PAK3: variants seen among roughly 807,000 people sequenced by gnomAD.
PAK3 encodes serine/threonine-protein kinase PAK 3.
In PAK3, 4 loss-of-function variants were observed where a neutral mutation model predicts 41.0. The ratio of observed to expected loss-of-function variants is 0.10; its 90% confidence interval spans 0.05 to 0.22. The LOEUF (loss-of-function observed/expected upper bound fraction) is 0.22, where lower values mean the gene tolerates loss of function less well. PAK3 is among the 10% of genes least tolerant of loss of function. PAK3 has a pLI of 1.00. For synonymous variants in PAK3, 146 were observed against 139.6 expected, an observed-to-expected ratio of 1.05 and a Z score of -0.32; for missense variants, 205 against 409.9, an observed-to-expected ratio of 0.50 and a Z score of 4.32.
intron 1 of PAK3, among the ~76,000 whole-genome samples, chrX:111,063,027 T>G (rs1335088838): frequency 8.9e-6 from 1 of 111,734 alleles, no homozygotes; most frequent in Non-Finnish European, 1.9e-5. Flanking sequence ...TACCCTAGCC[T>G]GGAATAACCA....
intron 1 of PAK3, among the ~76,000 whole-genome samples, chrX:110,977,179 T>A (rs779805476): frequency 4.8e-4 from 53 of 110,259 alleles, no homozygotes; most frequent in Non-Finnish European, 9.5e-4. Flanking sequence ...CGATGTTAGG[T>A]TTAGCTTTTG....
intron 1 of PAK3, among the ~76,000 whole-genome samples, chrX:111,002,647 C>T (rs960043119): frequency 6.3e-5 from 7 of 111,289 alleles, no homozygotes; most frequent in African/African-American, 2.3e-4. Flanking sequence ...CTAGAACTAC[C>T]CAGAATAGCC....
intron 1 of PAK3, among the ~76,000 whole-genome samples, chrX:110,967,231 G>A (rs1303584090): frequency 2.7e-5 from 3 of 113,068 alleles, no homozygotes; most frequent in Non-Finnish European, 5.6e-5. Flanking sequence ...GGGCCAAGGG[G>A]ACAAAAGCAA....
chrX:111,087,423 C>CAA (rs11288618), intron 1 of PAK3, among the ~76,000 whole-genome samples: 49 of 94,582 alleles, frequency 5.2e-4, no homozygotes, highest in Middle Eastern at 0.01. Flanking sequence ...TGCATTATTA[C>CAA]AAAAAAAAAA....
chrX:110,948,061 T>G (rs1437762566), intron 1 of PAK3, among the ~76,000 whole-genome samples: 1 of 112,420 alleles, frequency 8.9e-6, no homozygotes, highest in Non-Finnish European at 1.9e-5. Flanking sequence ...TCTGTCTTTC[T>G]GCTGAATTAT....
chrX:111,195,512 A>G (rs1403004875), intron 14 of PAK3, among the ~76,000 whole-genome samples: 1 of 112,206 alleles, frequency 8.9e-6, no homozygotes, highest in East Asian at 2.8e-4. Flanking sequence ...TACCACAGCT[A>G]TAGAAGACCA....
chrX:110,988,151 T>C (rs2091580980), intron 1 of PAK3, among the ~76,000 whole-genome samples: 1 of 112,713 alleles, frequency 8.9e-6, no homozygotes, highest in South Asian at 3.7e-4. Context: ...TCCTGGGCCT[T>C]GCCCTAAAGA....
chrX:111,089,288 A>G (rs779569147), intron 1 of PAK3, among the ~76,000 whole-genome samples: 1 of 112,450 alleles, frequency 8.9e-6, no homozygotes, highest in Non-Finnish European at 1.9e-5. Flanking sequence ...AACTACTTCA[A>G]AATAAGAAAG....
intron 1 of PAK3, among the ~76,000 whole-genome samples, chrX:111,048,574 G>A (rs1406017655): frequency 9.0e-6 from 1 of 111,350 alleles, no homozygotes; most frequent in Non-Finnish European, 1.9e-5. Context: ...CCCCTTATAA[G>A]TAAATGGTAC....
intron 11 of PAK3, among the ~76,000 whole-genome samples, chrX:111,179,799 T>G (rs1391064964): frequency 1.8e-5 from 2 of 112,013 alleles, no homozygotes; most frequent in Non-Finnish European, 3.8e-5. Flanking sequence ...TCTGTATTTG[T>G]CTGTTAGTTT....
At chrX:110,971,581 C>T (rs998130980) in intron 1 of PAK3, among the ~76,000 whole-genome samples, 2 of 111,654 alleles carry the variant, frequency 1.8e-5, no homozygotes, top group African/African-American at 6.5e-5. Flanking sequence ...ATACAAGTCC[C>T]TTATCTCATA....
At chrX:111,206,925 A>G (rs1358127165) in intron 16 of PAK3, among the ~76,000 whole-genome samples, 1 of 111,209 alleles carries the variant, frequency 9.0e-6, no homozygotes, top group African/African-American at 3.3e-5. Context: ...AAACTAAGTC[A>G]TAAGGTGTTA....
chrX:111,187,779 G>A (rs761562440), intron 11 of PAK3, among the ~76,000 whole-genome samples: 14 of 110,485 alleles, frequency 1.3e-4, no homozygotes, highest in Non-Finnish European at 2.1e-4. Context: ...TTGTGCATTC[G>A]AGTTGAAGGT....
intron 5 of PAK3, among the ~76,000 whole-genome samples, chrX:111,136,881 G>T (rs1288400413): frequency 8.9e-6 from 1 of 111,958 alleles, no homozygotes; most frequent in East Asian, 2.8e-4. Context: ...CTAGATATTG[G>T]TATTTTATGG....
At chrX:111,011,588 T>G (rs1484892660) in intron 1 of PAK3, among the ~76,000 whole-genome samples, 1 of 112,388 alleles carries the variant, frequency 8.9e-6, no homozygotes, top group Non-Finnish European at 1.9e-5. Context: ...TTTTAAAGAA[T>G]TATTAAGTGT....
chrX:110,980,759 T>C (rs776351418), intron 1 of PAK3, among the ~76,000 whole-genome samples: 8 of 111,956 alleles, frequency 7.1e-5, no homozygotes, highest in Non-Finnish European at 1.1e-4. Flanking sequence ...TCCAATGCAA[T>C]AGACTCAGTG....
chrX:111,070,569 C>A (rs1178343588), intron 1 of PAK3, among the ~76,000 whole-genome samples: 1 of 111,806 alleles, frequency 8.9e-6, no homozygotes, highest in South Asian at 3.7e-4. Flanking sequence ...AAGGGTAAGG[C>A]CTTTGTGTAC....
At chrX:111,215,888 C>T (rs2149396075) in intron 16 of PAK3, among the ~76,000 whole-genome samples, 1 of 112,238 alleles carries the variant, frequency 8.9e-6, no homozygotes, top group African/African-American at 3.2e-5. Flanking sequence ...CCTCTCTCAT[C>T]CAGGCACTGG....
chrX:111,194,590 A>G (rs1294996031), intron 14 of PAK3, among the ~76,000 whole-genome samples, 172 bp downstream of exon 14: 2 of 111,787 alleles, frequency 1.8e-5, no homozygotes, highest in Admixed American at 1.9e-4. Context: ...ACTCCCCAGC[A>G]TCACCCTCCT....
Sources: gnomAD v4.1 joint callset for allele counts (sites outside exome capture counted in the v4.1 genomes callset) on GRCh38, gnomAD v4.1.1 for gene constraint, MANE v1.5 for transcripts, NCBI Gene and HGNC (gene_info 2026-07-23, HGNC 2026-07-21) for gene names.